The following LRP1B variants were observed in gnomAD, a reference collection of about 807,000 sequenced individuals.
LRP1B encodes the protein LDL receptor related protein 1B.
LRP1B carries 217 observed loss-of-function variants against 556.6 expected under a neutral mutation model. The observed-to-expected ratio is 0.39, with a 90% CI of 0.35 to 0.44. The LOEUF (loss-of-function observed/expected upper bound fraction) is 0.44. Among genes scored for constraint, LRP1B ranks in the 20% least tolerant of loss-of-function variants. LRP1B has a pLI of 1.00. For synonymous variants in LRP1B, 2,047 were observed against 1,865.8 expected, an observed-to-expected ratio of 1.10 and a Z score of -2.50; for missense variants, 5,053 against 5,620.8, an observed-to-expected ratio of 0.90 and a Z score of 3.23.
intron 1 of LRP1B, among the ~76,000 whole-genome samples, chr2:142,026,007 A>G (rs1274537056): frequency 6.6e-6 from 1 of 152,132 alleles, no homozygotes; most frequent in African/African-American, 2.4e-5. Context: ...AATGGTAAGA[A>G]GAGCCAAAGA....
chr2:140,442,232 T>C (rs1286244230), intron 66 of LRP1B, among the ~76,000 whole-genome samples: 1 of 152,202 alleles, frequency 6.6e-6, no homozygotes, highest in African/African-American at 2.4e-5. Flanking sequence ...CATACTCTAA[T>C]ATAAGAAGAT....
At chr2:140,444,064 C>T (rs910501193) in intron 65 of LRP1B, among the ~76,000 whole-genome samples, 2 of 152,096 alleles carry the variant, frequency 1.3e-5, no homozygotes, top group Non-Finnish European at 2.9e-5. Flanking sequence ...TTTGGTGCTT[C>T]TCTTAAGGAT....
At chr2:140,397,402 T>C (rs916557181) in intron 66 of LRP1B, among the ~76,000 whole-genome samples, 1 of 152,106 alleles carries the variant, frequency 6.6e-6, no homozygotes, top group Admixed American at 6.6e-5. Context: ...CCTGTGTCCA[T>C]GTGTTCATTT....
intron 3 of LRP1B, among the ~76,000 whole-genome samples, chr2:141,386,684 A>T (rs1422839301): frequency 6.6e-6 from 1 of 152,078 alleles, no homozygotes; most frequent in Non-Finnish European, 1.5e-5. Flanking sequence ...TAACAATTAT[A>T]AAAATATATG....
intron 2 of LRP1B, among the ~76,000 whole-genome samples, chr2:141,639,380 A>ACT (rs1689239469): frequency 1.2e-5 from 1 of 83,640 alleles, no homozygotes. Context: ...ATATATACAC[A>ACT]TATATATATA....
At chr2:140,524,524 A>G (rs1158850788) in intron 49 of LRP1B, among the ~76,000 whole-genome samples, 1 of 151,966 alleles carries the variant, frequency 6.6e-6, no homozygotes, top group Non-Finnish European at 1.5e-5. Flanking sequence ...ACTACTCACA[A>G]TAGCAAATAT....
chr2:141,782,179 G>C (rs555390697), intron 2 of LRP1B, among the ~76,000 whole-genome samples: 1 of 152,188 alleles, frequency 6.6e-6, no homozygotes, highest in African/African-American at 2.4e-5. Context: ...CCAACATGAT[G>C]TACTTGCCAG....
chr2:141,001,147 A>T (rs1465752647), intron 15 of LRP1B, among the ~76,000 whole-genome samples: 2 of 152,094 alleles, frequency 1.3e-5, no homozygotes, highest in Non-Finnish European at 1.5e-5. Flanking sequence ...GATAAAGAAC[A>T]AACATAAAAA....
chr2:140,856,545 T>G (rs1692622548), intron 27 of LRP1B, among the ~76,000 whole-genome samples: 2 of 152,184 alleles, frequency 1.3e-5, no homozygotes, highest in South Asian at 4.1e-4. Context: ...GCAGGCTTTA[T>G]GTTCTCCATA....
chr2:140,926,828 G>A (rs1227385688), intron 20 of LRP1B, among the ~76,000 whole-genome samples: 1 of 152,084 alleles, frequency 6.6e-6, no homozygotes, highest in Non-Finnish European at 1.5e-5. Flanking sequence ...TGACTCTCAA[G>A]GTGGTCTTCA....
intron 2 of LRP1B, among the ~76,000 whole-genome samples, chr2:141,613,639 C>T (rs1202006102): frequency 1.3e-5 from 2 of 152,108 alleles, no homozygotes; most frequent in Non-Finnish European, 2.9e-5. Context: ...GGCTAACCTT[C>T]GCAAACGTGT....
At chr2:141,671,616 A>G (rs1157683386) in intron 2 of LRP1B, among the ~76,000 whole-genome samples, 1 of 152,182 alleles carries the variant, frequency 6.6e-6, no homozygotes, top group Non-Finnish European at 1.5e-5. Flanking sequence ...ACTAATTAAC[A>G]TCAACATACC....
chr2:141,355,705 C>T (rs79654743), intron 3 of LRP1B, among the ~76,000 whole-genome samples: 9,232 of 151,546 alleles, frequency 0.061, 414 homozygotes, highest in Admixed American at 0.14. Context: ...AATTAATGAA[C>T]GAAGGAAAAT....
intron 35 of LRP1B, among the ~76,000 whole-genome samples, chr2:140,764,813 C>T (rs1011466743): frequency 2.0e-5 from 3 of 152,120 alleles, no homozygotes; most frequent in Non-Finnish European, 4.4e-5. Context: ...CTATCGTTAA[C>T]ATTAGGGTTC....
intron 66 of LRP1B, among the ~76,000 whole-genome samples, chr2:140,435,989 T>A (rs13030091): frequency 0.28 from 42,331 of 149,950 alleles, 6,502 homozygotes; most frequent in Non-Finnish European, 0.34. Flanking sequence ...TCTCTCTCTC[T>A]CACACACACA....
chr2:142,086,250 G>T (rs1705917613), intron 1 of LRP1B, among the ~76,000 whole-genome samples: 2 of 152,124 alleles, frequency 1.3e-5, no homozygotes, highest in Admixed American at 6.5e-5. Context: ...AACCTACTTA[G>T]CATCCTTAGA....
intron 1 of LRP1B, among the ~76,000 whole-genome samples, chr2:141,913,753 C>T (rs1699964241): frequency 6.6e-6 from 1 of 151,700 alleles, no homozygotes; most frequent in Non-Finnish European, 1.5e-5. Context: ...TACCCTCCTA[C>T]ATTTTTTTTT....
Position 140,738,282 on chromosome 2 carries a change from T to A in LRP1B, c.5759-21466A>T, listed in dbSNP as rs563378239. 2.0e-5 allele frequency among the ~76,000 whole-genome samples: 3 copies of A among 152,142 alleles called. No individual in the cohort carries two copies. The East Asian group carries it at 5.8e-4, about 29-fold the overall frequency. The stretch of plus-strand genomic sequence containing the variant: ...TTACAACTATAACATTTGTAGGTAG[T>A]TTCATTGACCTCCCTTCTCTAAATT... On this transcript the variant is annotated intron_variant, in intron 35 of 90. Transcript: ENST00000389484.
intron 43 of LRP1B, among the ~76,000 whole-genome samples, chr2:140,568,092 C>A (rs1300081277): frequency 6.6e-6 from 1 of 151,280 alleles, no homozygotes; most frequent in Non-Finnish European, 1.5e-5. Context: ...TATGACACTA[C>A]CAAAGGAGCA....
Sources: allele counts gnomAD v4.1 joint callset (sites outside exome capture counted in the v4.1 genomes callset), GRCh38; gene constraint gnomAD v4.1.1; transcripts MANE v1.5; gene names NCBI Gene and HGNC (gene_info 2026-07-23, HGNC 2026-07-21).